The following ZNF362 variants were observed in gnomAD, a reference collection of about 807,000 sequenced individuals.
The protein encoded by ZNF362 is rotund homolog.
Under a neutral mutation model 42.9 loss-of-function variants are expected in ZNF362, and 11 were observed. That is an observed-to-expected ratio of 0.26 (90% confidence interval 0.16 to 0.42). The LOEUF is 0.42. ZNF362 is among the 20% of genes least tolerant of loss of function. The probability of loss-of-function intolerance (pLI) is 1.00; values close to 1 mark genes in which losing one functional copy is unlikely to be tolerated. For synonymous variants in ZNF362, 255 were observed against 257.3 expected (o/e 0.99, Z 0.09); for missense variants, 362 against 576.2 (o/e 0.63, Z 3.81).
the ZNF362 span, among the ~76,000 whole-genome samples, chr1:33,211,979 A>G: frequency 1.8e-4 from 27 of 152,184 alleles, no homozygotes; most frequent in Non-Finnish European, 2.9e-4. Context: ...CTCACATTCA[A>G]TTGTAATCCC....
chr1:33,223,164 T>C, the ZNF362 span, among the ~76,000 whole-genome samples: 23 of 151,958 alleles, frequency 1.5e-4, no homozygotes, highest in African/African-American at 5.6e-4. Flanking sequence ...GGCAGGAGAA[T>C]CACTTGAACC....
the ZNF362 span, among the ~76,000 whole-genome samples, chr1:33,186,025 C>T: frequency 6.6e-6 from 1 of 151,952 alleles, no homozygotes; most frequent in Admixed American, 6.6e-5. Context: ...GAAAATTGAT[C>T]CTCATTATTT....
intron 2 of ZNF362, among the ~76,000 whole-genome samples, chr1:33,271,310 A>G (rs1252026818): frequency 6.6e-6 from 1 of 152,094 alleles, no homozygotes; most frequent in Non-Finnish European, 1.5e-5. Context: ...CCTTTGCTCA[A>G]GCTGTTGCTT....
intron 6 of ZNF362, among the ~76,000 whole-genome samples, chr1:33,287,652 G>A (rs1378287275): frequency 6.6e-6 from 1 of 152,206 alleles, no homozygotes; most frequent in African/African-American, 2.4e-5. Context: ...TTTCCTGACA[G>A]AGTGATGTTA....
chr1:33,236,531 TAAAA>T, the ZNF362 span, among the ~76,000 whole-genome samples: 1 of 4,196 alleles, frequency 2.4e-4, no homozygotes, highest in African/African-American at 4.0e-4. Flanking sequence ...CTCTGCCTCT[TAAAA>T]AAAAAAAAAA....
chr1:33,131,879 TG>T, the ZNF362 span, among the ~76,000 whole-genome samples: 2 of 152,212 alleles, frequency 1.3e-5, no homozygotes, highest in African/African-American at 2.4e-5. Context: ...ATGAAAGGTT[TG>T]TTTTTTTTTC....
At chr1:33,134,761 C>T in the ZNF362 span, among the ~76,000 whole-genome samples, 3 of 152,178 alleles carry the variant, frequency 2.0e-5, no homozygotes, top group Non-Finnish European at 4.4e-5. Flanking sequence ...CTGCGCCTGC[C>T]CTCTCTGGGA....
chr1:33,127,536 G>A, the ZNF362 span, among the ~76,000 whole-genome samples: 43 of 152,378 alleles, frequency 2.8e-4, no homozygotes, highest in African/African-American at 8.7e-4. Context: ...CGGGACTGAG[G>A]CGGCGTGGGA....
the ZNF362 span, among the ~76,000 whole-genome samples, chr1:33,134,968 A>G: frequency 0.029 from 4,427 of 152,134 alleles, 122 homozygotes; most frequent in East Asian, 0.094. Flanking sequence ...CCACATAAAT[A>G]TGACCACCCT....
chr1:33,151,704 C>T, the ZNF362 span, among the ~76,000 whole-genome samples: 6 of 152,216 alleles, frequency 3.9e-5, no homozygotes, highest in Admixed American at 6.5e-5. Flanking sequence ...GGCAGCCCGT[C>T]TGGTCTCCAG....
In ZNF362 at chr1:33,281,405, C is replaced by T. The variant is rs1290116703; in HGVS notation, c.684-182C>T. ...TTCCCCCAGGCAAGAGCTTCCTCCTCCAGATTTAAGGGTGCCCAGGCTGGG... is the reference window on the plus strand; with the variant it reads ...TTCCCCCAGGCAAGAGCTTCCTCCTTCAGATTTAAGGGTGCCCAGGCTGGG... On this transcript the variant is annotated intron_variant, in intron 5 of 8. Transcript: ENST00000539719. The surrounding 1 kb of genome is among the most constrained non-coding windows in gnomAD (Gnocchi z 4.8). Among the ~76,000 whole-genome samples, 1 of 152,138 alleles carries T rather than the reference C, an allele frequency of 6.6e-6. No individual in the cohort carries two copies. The highest frequency in any genetic ancestry group is 6.5e-5 in the Admixed American group (1 of 15,278).
the ZNF362 span, among the ~76,000 whole-genome samples, chr1:33,185,900 C>A: frequency 6.6e-6 from 1 of 152,110 alleles, no homozygotes; most frequent in Admixed American, 6.5e-5. Flanking sequence ...AACAAAAATT[C>A]TATAGAACTA....
chr1:33,298,984 A>G lies in ZNF362; in HGVS notation c.1201A>G (p.Ser401Gly), dbSNP rs200638131. ...SKHTVVEHLV[S>G]HHSPQRTESP... ...ACACACGGTGGTGGAGCACCTGGTG[A>G]GCCATCACTCGCCCCAGAGGACGGA... The change falls in exon 9 of 9, where the codon AGC (serine) becomes GGC (glycine). Residue 401 changes from serine to glycine, a missense_variant. Physicochemically the swap from Ser to Gly is moderately conservative, Grantham distance 56. Transcript: ENST00000539719. The G allele has an allele frequency of 2.6e-4, 419 of 1,613,490 alleles. No individual in the cohort carries two copies. Among genetic ancestry groups the G allele is most frequent in the Non-Finnish European group, 3.3e-4 (390 of 1,180,024 alleles).
rs748300162 is a variant in ZNF362, at chr1:33,294,903, A to C, written c.909-34A>C. 6.2e-7 allele frequency: 1 copy of C among 1,613,116 alleles called. No homozygotes were observed. The highest frequency in any genetic ancestry group is 1.1e-5 in the South Asian group (1 of 91,040). ...CTGGAGCGGTCTTGGGGTGTGTGTC[A>C]GGGACTTCGACCTTACTGGGCTGCC... On this transcript the variant is annotated intron_variant, in intron 6 of 8. Transcript: ENST00000539719. This position sits in a 1 kb window ranked among gnomAD's most constrained non-coding sequence, Gnocchi z 4.2.
the ZNF362 span, among the ~76,000 whole-genome samples, chr1:33,247,546 G>A: frequency 6.6e-6 from 1 of 152,256 alleles, no homozygotes; most frequent in Non-Finnish European, 1.5e-5. Context: ...GCAAAAGGCC[G>A]AACCAGATGT....
At chr1:33,285,339 G>A (rs1305009137) in intron 6 of ZNF362, among the ~76,000 whole-genome samples, 1 of 152,088 alleles carries the variant, frequency 6.6e-6, no homozygotes, top group African/African-American at 2.4e-5. Context: ...ACTTGAACCC[G>A]GGAGGCAGAG....
the ZNF362 span, chr1:33,165,415 T>A: frequency 7.7e-7 from 1 of 1,304,748 alleles, no homozygotes; most frequent in Non-Finnish European, 1.1e-6. The surrounding 1 kb of genome is among the most constrained non-coding windows in gnomAD (Gnocchi z 4.0). Flanking sequence ...GCCCCGCCCC[T>A]CGAAGCCCTG....
the ZNF362 span, among the ~76,000 whole-genome samples, chr1:33,245,732 G>A: frequency 6.6e-6 from 1 of 152,178 alleles, no homozygotes; most frequent in African/African-American, 2.4e-5. Context: ...GAGGCCAGGA[G>A]TTTGAGACCA....
upstream of ZNF362, among the ~76,000 whole-genome samples, chr1:33,254,004 A>G (rs1175245685): frequency 1.3e-5 from 2 of 152,156 alleles, no homozygotes; most frequent in Non-Finnish European, 2.9e-5. Context: ...TTATGTTACT[A>G]TTTGTTACGA....
Sources: allele counts gnomAD v4.1 joint callset (sites outside exome capture counted in the v4.1 genomes callset), GRCh38; gene constraint gnomAD v4.1.1; non-coding constraint Gnocchi (gnomAD v3.1); transcripts MANE v1.5; gene names NCBI Gene and HGNC (gene_info 2026-07-23, HGNC 2026-07-21).